The following PADI1 variants were observed in gnomAD, a reference collection of about 807,000 sequenced individuals.
PADI1 encodes peptidyl arginine deiminase 1.
A neutral mutation model predicts 74.8 loss-of-function variants in PADI1; 65 were observed. The observed-to-expected ratio is 0.87, with a 90% CI of 0.71 to 1.07. PADI1 has a LOEUF of 1.07. Ranked by LOEUF, PADI1 falls within the 50% of genes least tolerant of loss-of-function variation. The pLI is 0.00. For missense variants in PADI1, 943 were observed against 854.0 expected, an observed-to-expected ratio of 1.10 and a Z score of -1.30; for synonymous variants, 371 against 336.2, an observed-to-expected ratio of 1.10 and a Z score of -1.13.
rs771173843 is a variant in PADI1, at chr1:17,228,670, G to A, written c.698G>A (p.Cys233Tyr). Residue 233 changes from cysteine (C) to tyrosine (Y), a missense_variant, in exon 7 of 16, where the codon TGT (cysteine) becomes TAT (tyrosine). By Grantham distance (194) the Cys-to-Tyr change is radical (BLOSUM62 -2). Transcript: ENST00000375471. ...TACAAACAGGTGCTGGGGCCCCAGT[G>A]TCTGTCCTATGAAGTTGAGCGACAG... ...SDYKQVLGPQ[C>Y]LSYEVERQPG... is the part of the protein sequence containing the mutation. The A allele has an allele frequency of 1.6e-5, 26 of 1,614,024 alleles. No individual in the cohort carries two copies. In the Middle Eastern group the frequency reaches 2.1e-3, roughly 133 times the overall value.
rs772837666 is a variant in PADI1, at chr1:17,228,767, T to G, written c.795T>G (p.Val265=). The G allele has an allele frequency of 3.1e-6, 5 of 1,614,040 alleles. No homozygotes were observed. In the African/African-American group the frequency reaches 6.7e-5, roughly 22 times the overall value. ...TFPDADFLGL[V]SLSVSLVDPG... ...CCGATGCCGATTTCCTAGGGCTGGT[T>G]TCCCTCAGTGTCAGCCTGGTGGACC... The change falls in exon 7 of 16, where the codon GTT becomes GTG. Residue 265 remains valine, a synonymous_variant. Transcript: ENST00000375471.
At chr1:17,235,058 G>A (rs550647626) in intron 11 of PADI1, among the ~76,000 whole-genome samples, 21 of 150,772 alleles carry the variant, frequency 1.4e-4, no homozygotes, top group Non-Finnish European at 1.3e-4. Context: ...CAGAGGTTGC[G>A]CTGAGCTAAG....
intron 8 of PADI1, 58 bp from the exon 9 acceptor site, chr1:17,230,027 C>G: frequency 6.4e-7 from 1 of 1,555,268 alleles, no homozygotes; most frequent in South Asian, 1.2e-5. Flanking sequence ...GAAGGCCACT[C>G]ACACCTCAGC....
At chr1:17,220,535 T>C (rs1057427584) in intron 1 of PADI1, among the ~76,000 whole-genome samples, 13 of 152,010 alleles carry the variant, frequency 8.6e-5, no homozygotes, top group African/African-American at 3.1e-4. Context: ...CTGTTACAGG[T>C]GTTGGGGATG....
At chr1:17,243,877 C>G in intron 15 of PADI1, 133 bp from the exon 16 acceptor site, 1 of 638,654 alleles carries the variant, frequency 1.6e-6, no homozygotes, top group Non-Finnish European at 2.8e-6. Context: ...AAACTCCAGT[C>G]CTAGAGCCCT....
intron 11 of PADI1, among the ~76,000 whole-genome samples, chr1:17,235,203 AGGGAGGG>A (rs2072602590): frequency 1.8e-5 from 2 of 112,358 alleles, no homozygotes; most frequent in African/African-American, 3.5e-5. Flanking sequence ...GAAGGAAGGG[AGGGAGGG>A]AGGAAGGGAA....
At chr1:17,214,984 T>A (rs2071936051) in intron 1 of PADI1, among the ~76,000 whole-genome samples, 1 of 152,284 alleles carries the variant, frequency 6.6e-6, no homozygotes, top group African/African-American at 2.4e-5. Context: ...CCTGCTGGGG[T>A]ACCTGCCGCT....
rs749977632 is a variant in PADI1 at position 17,244,105 on chromosome 1, C to T, written c.1854C>T (p.Ser618=). The change falls in exon 16 of 16, where the codon TCC becomes TCT. Residue 618 remains serine (S), a synonymous_variant. Transcript: ENST00000375471. ...GCTGCCTGGAGGAGAAGGTGCAGTCCCTGCTGGAGCCTCTGGGCCTGCACT... is the reference window on the plus strand; with the variant it reads ...GCTGCCTGGAGGAGAAGGTGCAGTCTCTGCTGGAGCCTCTGGGCCTGCACT... The part of the protein sequence containing the change: ...GRCCLEEKVQ[S]LLEPLGLHCI... 1 of 1,614,218 alleles carries T rather than the reference C, an allele frequency of 6.2e-7. No homozygotes were observed. The highest frequency in any genetic ancestry group is 2.2e-5 in the East Asian group (1 of 44,884).
chr1:17,224,240 G>C (rs932644512), intron 3 of PADI1, 127 bp from the exon 4 acceptor site: 2 of 763,122 alleles, frequency 2.6e-6, no homozygotes, highest in African/African-American at 1.7e-5. Flanking sequence ...TGTGGGGTCT[G>C]ACCCCCAGAC....
At chr1:17,217,535 T>G (rs1195441736) in intron 1 of PADI1, among the ~76,000 whole-genome samples, 2 of 152,222 alleles carry the variant, frequency 1.3e-5, no homozygotes, top group Non-Finnish European at 2.9e-5. Context: ...ATGAACCCCT[T>G]GTTAAACACA....
Position 17,221,964 on chromosome 1 carries a change from G to A in PADI1, c.93-326G>A, listed in dbSNP as rs566323358. Among the ~76,000 whole-genome samples, 8 of 152,374 alleles carry A rather than the reference G, an allele frequency of 5.3e-5. No homozygotes were observed. The East Asian group carries it at 1.3e-3, about 26-fold the overall frequency. Reference sequence around the variant, plus strand: ...GAGAAAGCTGCTCGGTGATCCAGGCGAGGGGTGATGGTGGCTTGGGCCGCA... The same window carrying A: ...GAGAAAGCTGCTCGGTGATCCAGGCAAGGGGTGATGGTGGCTTGGGCCGCA... On this transcript the variant is annotated intron_variant, in intron 1 of 15. Coordinates refer to ENST00000375471, the MANE Select transcript of PADI1 (RefSeq NM_013358.3).
rs1257270433 is a variant in PADI1, at chr1:17,235,403, C to T, written c.1314-1911C>T. 5.9e-5 allele frequency among the ~76,000 whole-genome samples: 9 copies of T among 152,200 alleles called. No individual in the cohort carries two copies. The East Asian group carries it at 1.7e-3, about 29-fold the overall frequency. On this transcript the variant is annotated intron_variant, in intron 11 of 15. Transcript: ENST00000375471. Reference sequence around the variant, plus strand: ...AGAAGGTACAGCTCAAAGGAAAAGTCGAAAAAACTCGGTATGGGTGGCATG... The same window carrying T: ...AGAAGGTACAGCTCAAAGGAAAAGTTGAAAAAACTCGGTATGGGTGGCATG...
intron 1 of PADI1, among the ~76,000 whole-genome samples, chr1:17,213,046 C>T (rs1220159267): frequency 4.6e-5 from 7 of 152,228 alleles, no homozygotes; most frequent in African/African-American, 7.2e-5. Context: ...TTCCAGTCCC[C>T]GACAAGGGCA....
intron 1 of PADI1, among the ~76,000 whole-genome samples, chr1:17,209,293 T>C (rs367885887): frequency 6.6e-6 from 1 of 152,124 alleles, no homozygotes; most frequent in African/African-American, 2.4e-5. Flanking sequence ...CCTGTCACTG[T>C]GTCACTGCAG....
intron 15 of PADI1, among the ~76,000 whole-genome samples, chr1:17,241,911 C>T (rs1381818469): frequency 1.0e-5 from 1 of 100,230 alleles, no homozygotes; most frequent in African/African-American, 4.1e-5. Context: ...TCGGAATCGG[C>T]ATGGAATCAG....
chr1:17,230,291 C>A, intron 9 of PADI1, 83 bp downstream of exon 9: 2 of 1,521,374 alleles, frequency 1.3e-6, no homozygotes, highest in East Asian at 4.5e-5. Flanking sequence ...GACCCAGTGT[C>A]GCTAGAGAAG....
chr1:17,236,233 T>C (rs1232001475), intron 11 of PADI1, among the ~76,000 whole-genome samples: 1 of 152,156 alleles, frequency 6.6e-6, no homozygotes, highest in African/African-American at 2.4e-5. Context: ...GTACCTCCAA[T>C]CATATGTATG....
chr1:17,226,192 T>C (rs774226002), intron 6 of PADI1, 34 bp downstream of exon 6: 23 of 1,609,122 alleles, frequency 1.4e-5, no homozygotes, highest in Non-Finnish European at 8.5e-7. Flanking sequence ...TCCTCCCAGC[T>C]CCATCCATAT....
rs1251542239 is a variant in PADI1, at chr1:17,245,892, A to G, written c.*1649A>G. 6.6e-6 allele frequency: 1 copy of G among 152,266 alleles called. No homozygotes were observed. Among genetic ancestry groups the G allele is most frequent in the Non-Finnish European group, 1.5e-5 (1 of 68,110 alleles). 9.4% of individuals were successfully genotyped at this position (152,266 alleles called of 1,614,324 possible). A position where few individuals can be genotyped will look rare whatever the true frequency, so the allele number is the denominator to read the frequency against. On this transcript the variant is annotated 3_prime_UTR_variant, in exon 16 of 16. Transcript: ENST00000375471. The surrounding 1 kb of genome is among the most constrained non-coding windows in gnomAD (Gnocchi z 4.1). ...GGGTCGGGGCCACACTGAGTGTGGG[A>G]AGCTCTGGAGTTGCTGCTGGGCCAT... is the stretch of plus-strand genomic sequence containing the variant.
Sources: allele counts gnomAD v4.1 joint callset (sites outside exome capture counted in the v4.1 genomes callset), GRCh38; gene constraint gnomAD v4.1.1; non-coding constraint Gnocchi (gnomAD v3.1); transcripts MANE v1.5; gene names NCBI Gene and HGNC (gene_info 2026-07-23, HGNC 2026-07-21).